The following GUCY1A1 variants were observed in gnomAD, a reference collection of about 807,000 sequenced individuals.
GUCY1A1 encodes guanylate cyclase 1 soluble subunit alpha 1.
GUCY1A1 carries 48 observed loss-of-function variants against 64.5 expected under a neutral mutation model. The observed-to-expected ratio is 0.74, with a 90% confidence interval of 0.59 to 0.95. GUCY1A1 has a LOEUF of 0.95. GUCY1A1 is among the 40% of genes least tolerant of loss of function. GUCY1A1 has a pLI of 0.00. For synonymous variants in GUCY1A1, 308 were observed against 303.4 expected (o/e 1.02, Z -0.16); for missense variants, 804 against 825.3 (o/e 0.97, Z 0.32).
At position 155,676,046 on chromosome 4, in the gene GUCY1A1, G is replaced by T. The variant is rs978012513; in HGVS notation, c.-113+8627G>T. Among the ~76,000 whole-genome samples, 4 of 151,440 alleles carry T rather than the reference G, an allele frequency of 2.6e-5. 1 individual carries two copies. The highest frequency in any genetic ancestry group is 9.8e-5 in the African/African-American group (4 of 40,746). On this transcript the variant is annotated intron_variant, in intron 2 of 9. Coordinates refer to ENST00000506455, the MANE Select transcript of GUCY1A1 (RefSeq NM_001130682.3). ...GAGTCAATAAGATGCCTGTTTTACCGTGAAGAGCAGCACAATGAAGAGGTT... is the reference window on the plus strand; with the variant it reads ...GAGTCAATAAGATGCCTGTTTTACCTTGAAGAGCAGCACAATGAAGAGGTT...
rs554818653 is a variant in GUCY1A1 at position 155,688,155 on chromosome 4, G to C, written c.-112-8601G>C. On this transcript the variant is annotated intron_variant, in intron 2 of 9. Transcript: ENST00000506455. Reference sequence around the variant, plus strand: ...AGGCAGGAGAATGGCGTGAACCCGGGAGGTGGAGCTTGCAGTGAGCCGAGA... The same window carrying C: ...AGGCAGGAGAATGGCGTGAACCCGGCAGGTGGAGCTTGCAGTGAGCCGAGA... Among the ~76,000 whole-genome samples the C allele has an allele frequency of 2.6e-3, 397 of 152,054 alleles. 2 individuals are homozygous for C. Among genetic ancestry groups the C allele is most frequent in the Non-Finnish European group, 2.0e-3 (136 of 67,988 alleles).
At chr4:155,689,069 C>T (rs1729399636) in intron 2 of GUCY1A1, among the ~76,000 whole-genome samples, 1 of 149,926 alleles carries the variant, frequency 6.7e-6, no homozygotes, top group South Asian at 2.1e-4. Flanking sequence ...ATCTAGCATG[C>T]CTGCATTTTA....
Position 155,696,971 on chromosome 4 carries a change from G to A in GUCY1A1, c.104G>A (p.Gly35Glu). The change falls in exon 3 of 10, where the codon GGA becomes GAA. Residue 35 changes from glycine to glutamate, a missense_variant. Gly to Glu is a moderately conservative substitution (Grantham distance 98). Coordinates refer to ENST00000506455, the MANE Select transcript of GUCY1A1 (RefSeq NM_001130682.3). ...VPNESSEEAA[G>E]SSESCKATVP... ...AACGAGTCTTCAGAGGAGGCAGCAGGAAGCTCAGAGAGCTGCAAAGCAACC... is the reference window on the plus strand; with the variant it reads ...AACGAGTCTTCAGAGGAGGCAGCAGAAAGCTCAGAGAGCTGCAAAGCAACC... The A allele has an allele frequency of 6.2e-7, 1 of 1,613,566 alleles. No homozygotes were observed. Among genetic ancestry groups the A allele is most frequent in the Non-Finnish European group, 8.5e-7 (1 of 1,179,546 alleles).
intron 2 of GUCY1A1, among the ~76,000 whole-genome samples, chr4:155,679,190 T>C (rs2126583698): frequency 6.6e-6 from 1 of 152,302 alleles, no homozygotes; most frequent in Non-Finnish European, 1.5e-5. Context: ...TTTCATGTTT[T>C]TTTTTTCAAA....
chr4:155,726,046 G>A (rs9990754), intron 9 of GUCY1A1, among the ~76,000 whole-genome samples: 75,194 of 151,742 alleles, frequency 0.5, 20,195 homozygotes, highest in African/African-American at 0.71. Flanking sequence ...ATATACACAT[G>A]CATGAATGAC....
intron 3 of GUCY1A1, among the ~76,000 whole-genome samples, chr4:155,697,476 C>T (rs1207756269): frequency 1.3e-5 from 2 of 152,166 alleles, no homozygotes; most frequent in Non-Finnish European, 2.9e-5. Context: ...GTGAAACCAT[C>T]CATAGCTCTT....
intron 4 of GUCY1A1, among the ~76,000 whole-genome samples, chr4:155,705,845 A>G (rs1490188150): frequency 6.6e-6 from 1 of 152,186 alleles, no homozygotes; most frequent in Non-Finnish European, 1.5e-5. Flanking sequence ...AGAAGGAAAG[A>G]GTGTGAATCT....
chr4:155,667,430 G>A lies in GUCY1A1; in HGVS notation c.-113+11G>A, dbSNP rs987269078. The stretch of plus-strand genomic sequence containing the variant: ...GTGCGAAGCCACCAAGTAAGTGGTC[G>A]CTGCATCCCCACGCGGGTCGGGGTT... On this transcript the variant is annotated intron_variant, in intron 2 of 9. Transcript: ENST00000506455. 2 of 152,224 alleles carry A rather than the reference G, an allele frequency of 1.3e-5. No homozygotes were observed. The highest frequency in any genetic ancestry group is 2.9e-5 in the Non-Finnish European group (2 of 68,066). 9.4% of individuals were successfully genotyped at this position (152,224 alleles called of 1,614,324 possible).
At chr4:155,729,413 A>G (rs770625790) in intron 9 of GUCY1A1, among the ~76,000 whole-genome samples, 4 of 151,888 alleles carry the variant, frequency 2.6e-5, no homozygotes, top group Admixed American at 6.6e-5. Flanking sequence ...TGTGGTAAAC[A>G]GATGAATTTC....
intron 8 of GUCY1A1, among the ~76,000 whole-genome samples, chr4:155,720,420 A>G (rs897406011): frequency 6.6e-6 from 1 of 152,090 alleles, no homozygotes; most frequent in African/African-American, 2.4e-5. Context: ...TAAAAGAGAC[A>G]AAGCCAGATA....
chr4:155,720,279 A>G (rs949820321), intron 8 of GUCY1A1, among the ~76,000 whole-genome samples: 9 of 152,240 alleles, frequency 5.9e-5, no homozygotes, highest in African/African-American at 2.2e-4. Context: ...GAAAGCAAAA[A>G]TTCCTCAATC....
chr4:155,722,163 A>G lies in GUCY1A1; in HGVS notation c.1842A>G (p.Arg614=), dbSNP rs1158496237. The G allele has an allele frequency of 6.2e-7, 1 of 1,612,998 alleles. No homozygotes were observed. The highest frequency in any genetic ancestry group is 1.1e-5 in the South Asian group (1 of 90,950). The change falls in exon 9 of 10, where the codon CGA becomes CGG. Residue 614 remains arginine, a synonymous_variant. Transcript: ENST00000506455. ...ANKFESCSVP[R]KINVSPTTYR... ...AATTTGAGTCCTGCAGTGTACCACGAAAAATCAATGTCAGCCCAACAACTT... is the reference window on the plus strand; with the variant it reads ...AATTTGAGTCCTGCAGTGTACCACGGAAAATCAATGTCAGCCCAACAACTT...
Position 155,731,934 on chromosome 4 carries a change from A to G in GUCY1A1, c.*1703A>G, listed in dbSNP as rs1381133788. The G allele has an allele frequency of 6.6e-6, 1 of 151,812 alleles. No individual in the cohort carries two copies. The highest frequency in any genetic ancestry group is 2.1e-4 in the South Asian group (1 of 4,832). The allele number at this position is 151,812 out of a possible 1,614,324, so 9.4% of individuals were successfully genotyped here. A position where few individuals can be genotyped will look rare whatever the true frequency, so the allele number is the denominator to read the frequency against. Reference sequence around the variant, plus strand: ...GACTCAATAAACCACTCAGCCTATTATTGGAAAGTGCCATAGGCCTTGAGA... The same window carrying G: ...GACTCAATAAACCACTCAGCCTATTGTTGGAAAGTGCCATAGGCCTTGAGA... On this transcript the variant is annotated 3_prime_UTR_variant, in exon 10 of 10. Coordinates refer to ENST00000506455, the MANE Select transcript of GUCY1A1 (RefSeq NM_001130682.3).
At chr4:155,721,796 A>AATTAAGATGGTTTG (rs1470927478) in intron 8 of GUCY1A1, among the ~76,000 whole-genome samples, 1 of 152,166 alleles carries the variant, frequency 6.6e-6, no homozygotes, top group East Asian at 1.9e-4. Flanking sequence ...AGACAGACAC[A>AATTAAGATGGTTTG]ATTAAGATGG....
rs751130146 is a variant in GUCY1A1 at position 155,708,221 on chromosome 4, T to A, written c.318-15T>A. 1.6e-6 allele frequency: 2 copies of A among 1,267,738 alleles called. No individual in the cohort carries two copies. The highest frequency in any genetic ancestry group is 1.5e-5 in the African/African-American group (1 of 67,872). The allele number at this position is 1,267,738 out of a possible 1,614,324, so 78.5% of individuals were successfully genotyped here. A position where few individuals can be genotyped will look rare whatever the true frequency, so the allele number is the denominator to read the frequency against. On this transcript the variant is annotated splice_polypyrimidine_tract_variant and intron_variant, in intron 4 of 9. Coordinates refer to ENST00000506455, the MANE Select transcript of GUCY1A1 (RefSeq NM_001130682.3). Reference sequence around the variant, plus strand: ...ATTTATAAGTTTATAACTTAAAATATTGAAATATTTCCAGGAAATCTTTGG... The same window carrying A: ...ATTTATAAGTTTATAACTTAAAATAATGAAATATTTCCAGGAAATCTTTGG...
intron 2 of GUCY1A1, among the ~76,000 whole-genome samples, chr4:155,668,699 C>T (rs1444704797): frequency 1.3e-5 from 2 of 152,074 alleles, no homozygotes; most frequent in African/African-American, 4.8e-5. Flanking sequence ...TAAGAGTGAT[C>T]ATTTCAGGTA....
In GUCY1A1 at chr4:155,732,825, T is replaced by C. The variant is rs1463353787; in HGVS notation, c.*2594T>C. The stretch of plus-strand genomic sequence containing the variant: ...AATGCAGGAGCTATTCTTTCTGTTC[T>C]GGTTATATAGTTTCCATTCATGGCT... On this transcript the variant is annotated 3_prime_UTR_variant, in exon 10 of 10. Transcript: ENST00000506455. 6.6e-6 allele frequency among the ~76,000 whole-genome samples: 1 copy of C among 151,936 alleles called. No individual in the cohort carries two copies. Among genetic ancestry groups the C allele is most frequent in the Non-Finnish European group, 1.5e-5 (1 of 67,890 alleles).
intron 3 of GUCY1A1, among the ~76,000 whole-genome samples, chr4:155,699,947 T>A (rs1730869807): frequency 6.6e-6 from 1 of 152,126 alleles, no homozygotes; most frequent in Non-Finnish European, 1.5e-5. Flanking sequence ...CTTTAAAAAG[T>A]CTTCTTGATC....
intron 2 of GUCY1A1, among the ~76,000 whole-genome samples, chr4:155,688,121 G>T (rs939868955): frequency 2.6e-5 from 4 of 151,892 alleles, no homozygotes; most frequent in African/African-American, 7.3e-5. Context: ...CCAGCTGCTC[G>T]GGAGGCTGAG....
Sources: gnomAD v4.1 joint callset for allele counts (sites outside exome capture counted in the v4.1 genomes callset) on GRCh38, gnomAD v4.1.1 for gene constraint, MANE v1.5 for transcripts, NCBI Gene and HGNC (gene_info 2026-07-23, HGNC 2026-07-21) for gene names.